Variants in FAM135A observed in about 807,000 individuals in gnomAD.
FAM135A encodes family with sequence similarity 135 member A, also known as protein FAM135A.
In FAM135A, 79 loss-of-function variants were observed where a neutral mutation model predicts 146.8. The observed-to-expected ratio is 0.54, with a 90% CI of 0.45 to 0.65. FAM135A has a LOEUF of 0.65. Among genes scored for constraint, FAM135A ranks in the 30% least tolerant of loss-of-function variants. The pLI is 0.00. For missense variants in FAM135A, 1,623 were observed against 1,758.2 expected, an observed-to-expected ratio of 0.92 and a Z score of 1.38; for synonymous variants, 562 against 603.6, an observed-to-expected ratio of 0.93 and a Z score of 1.01.
intron 5 of FAM135A, among the ~76,000 whole-genome samples, chr6:70,460,131 G>A (rs1779156721): frequency 6.6e-6 from 1 of 152,122 alleles, no homozygotes; most frequent in Non-Finnish European, 1.5e-5. Flanking sequence ...TAGTCCTTAT[G>A]GTTACCTCCA....
chr6:70,508,157 A>G (rs1272477249), intron 12 of FAM135A, among the ~76,000 whole-genome samples: 1 of 152,184 alleles, frequency 6.6e-6, no homozygotes, highest in Non-Finnish European at 1.5e-5. Flanking sequence ...TTTATAATGC[A>G]CAGCAAGCTT....
intron 5 of FAM135A, 109 bp from the exon 6 acceptor site, chr6:70,475,301 T>C: frequency 1.2e-6 from 1 of 865,740 alleles, no homozygotes; most frequent in African/African-American, 1.8e-5. Context: ...AAATTGATAA[T>C]GACACTATAG....
rs77430615 is a variant in FAM135A, at chr6:70,538,382, T to C, written c.4209T>C (p.Tyr1403=). Residue 1403 remains tyrosine, a synonymous_variant, in exon 20 of 22, where the codon TAT becomes TAC. Transcript: ENST00000418814. ...DHSDPRQTFL[Y]KLSNKAGLHY... is the part of the protein sequence containing the mutation. Reference sequence around the variant, plus strand: ...CAGACCCTCGCCAAACTTTTTTATATAAGCTTAGTAACAAAGCAGGTAAGT... The same window carrying C: ...CAGACCCTCGCCAAACTTTTTTATACAAGCTTAGTAACAAAGCAGGTAAGT... The C allele has an allele frequency of 6.1e-4, 912 of 1,495,562 alleles. 5 individuals carry two copies. In the African/African-American group the frequency reaches 0.011, roughly 18 times the overall value. The allele number at this position is 1,495,562 out of a possible 1,614,324, so 92.6% of individuals were successfully genotyped here. A position where few individuals can be genotyped will look rare whatever the true frequency, so the allele number is the denominator to read the frequency against.
At chr6:70,480,801 C>A (rs1325368097) in intron 8 of FAM135A, 100 bp from the exon 9 acceptor site, 8 of 1,153,922 alleles carry the variant, frequency 6.9e-6, no homozygotes, top group Non-Finnish European at 9.2e-6. Flanking sequence ...ACTTGCAAAA[C>A]CCTTGCTGTT....
intron 5 of FAM135A, among the ~76,000 whole-genome samples, chr6:70,466,449 A>C (rs1780497730): frequency 6.6e-6 from 1 of 152,202 alleles, no homozygotes; most frequent in African/African-American, 2.4e-5. Context: ...AGATAGCATA[A>C]ATATCGCTAT....
intron 4 of FAM135A, among the ~76,000 whole-genome samples, chr6:70,449,434 C>T (rs1220914397): frequency 6.6e-6 from 1 of 152,188 alleles, no homozygotes; most frequent in Non-Finnish European, 1.5e-5. Flanking sequence ...CTCTGGTAAA[C>T]ACCATTCTAC....
chr6:70,498,815 A>G (rs986188118), intron 11 of FAM135A, among the ~76,000 whole-genome samples: 1 of 152,138 alleles, frequency 6.6e-6, no homozygotes, highest in Non-Finnish European at 1.5e-5. Context: ...CTGAGTTCTA[A>G]TTTGATTGCA....
At chr6:70,480,049 C>CT (rs1783416047) in intron 8 of FAM135A, among the ~76,000 whole-genome samples, 1 of 152,154 alleles carries the variant, frequency 6.6e-6, no homozygotes, top group African/African-American at 2.4e-5. Context: ...CATTATTTTT[C>CT]TTTTCTGTCT....
At chr6:70,546,137 A>G (rs916119595) in intron 20 of FAM135A, among the ~76,000 whole-genome samples, 20 of 152,120 alleles carry the variant, frequency 1.3e-4, no homozygotes, top group African/African-American at 4.3e-4. Context: ...ATATTTACAT[A>G]TAATTACTTT....
chr6:70,537,338 C>CT (rs1180999737), intron 19 of FAM135A, among the ~76,000 whole-genome samples: 1 of 152,094 alleles, frequency 6.6e-6, no homozygotes, highest in Non-Finnish European at 1.5e-5. Context: ...ATATTTAACT[C>CT]TGTCTCTTTT....
chr6:70,536,331 TC>T lies in FAM135A; in HGVS notation c.4038del (p.Asn1347ThrfsTer43). ...ACAAGGCCAAGGTTTAAATATTACC[TC>T]AACAAACTTCATACCTTTCTGTCTC... ...VLTRPRFKYY[L>X]NKLHTFLSLS... On this transcript the variant is annotated frameshift_variant, in exon 19 of 22. Coordinates refer to ENST00000418814, the MANE Select transcript of FAM135A (RefSeq NM_001162529.3). LOFTEE classifies it high-confidence loss of function. 1 of 1,613,442 alleles carries T rather than the reference TC, an allele frequency of 6.2e-7. No homozygotes were observed. The highest frequency in any genetic ancestry group is 8.5e-7 in the Non-Finnish European group (1 of 1,179,674).
rs1561975389 is a variant in FAM135A, at chr6:70,525,808, A to G, written c.2724A>G (p.Val908=). The change falls in exon 15 of 22, where the codon GTA becomes GTG. Residue 908 remains valine (V), a synonymous_variant. Coordinates refer to ENST00000418814, the MANE Select transcript of FAM135A (RefSeq NM_001162529.3). ...CAGGGAACTTGGACAATGAAACTGTAGCAATACATTCCTTAAATTCAAGCA... is the reference window on the plus strand; with the variant it reads ...CAGGGAACTTGGACAATGAAACTGTGGCAATACATTCCTTAAATTCAAGCA... ...VFSGNLDNET[V]AIHSLNSSIK... The G allele has an allele frequency of 1.2e-6, 2 of 1,613,168 alleles. No individual in the cohort carries two copies. The highest frequency in any genetic ancestry group is 8.5e-7 in the Non-Finnish European group (1 of 1,179,572).
chr6:70,515,773 A>G (rs146168822), intron 12 of FAM135A, among the ~76,000 whole-genome samples: 1,796 of 152,298 alleles, frequency 0.012, 20 homozygotes, highest in Middle Eastern at 0.041. Context: ...TGATATATTA[A>G]TATTGGTTCA....
chr6:70,516,932 A>G (rs17635510), intron 12 of FAM135A, among the ~76,000 whole-genome samples: 18,660 of 151,762 alleles, frequency 0.12, 1,453 homozygotes, highest in Middle Eastern at 0.19. Context: ...CACTTTAAGA[A>G]CCTCTTTACA....
chr6:70,445,262 A>G (rs574521917), intron 4 of FAM135A, among the ~76,000 whole-genome samples: 2 of 152,342 alleles, frequency 1.3e-5, no homozygotes, highest in African/African-American at 4.8e-5. Flanking sequence ...AGTAGTCACA[A>G]CAGAGACTAT....
At chr6:70,481,515 C>T (rs1374923151) in intron 9 of FAM135A, among the ~76,000 whole-genome samples, 1 of 152,068 alleles carries the variant, frequency 6.6e-6, no homozygotes, top group Admixed American at 6.6e-5. Flanking sequence ...TGTCTGTAGT[C>T]CCAACTGCTA....
At chr6:70,500,475 C>T (rs1788239690) in intron 11 of FAM135A, among the ~76,000 whole-genome samples, 1 of 152,140 alleles carries the variant, frequency 6.6e-6, no homozygotes, top group Non-Finnish European at 1.5e-5. Context: ...TCTGAAGCCT[C>T]CTTCTGTCAA....
intron 4 of FAM135A, among the ~76,000 whole-genome samples, chr6:70,439,414 T>G (rs1273139980): frequency 1.3e-5 from 2 of 152,210 alleles, no homozygotes; most frequent in African/African-American, 4.8e-5. Context: ...AATATTAATA[T>G]TATAACATCA....
chr6:70,450,758 T>G (rs1171292392), intron 4 of FAM135A, among the ~76,000 whole-genome samples: 8 of 120,574 alleles, frequency 6.6e-5, no homozygotes, highest in African/African-American at 2.8e-4. Flanking sequence ...TTTTTTTTTT[T>G]GAGTCAGAGT....
Sources: gnomAD v4.1 joint callset for allele counts (sites outside exome capture counted in the v4.1 genomes callset) on GRCh38, gnomAD v4.1.1 for gene constraint, MANE v1.5 for transcripts, NCBI Gene and HGNC (gene_info 2026-07-23, HGNC 2026-07-21) for gene names.